Variants in MTA3 observed in about 807,000 individuals in gnomAD.
MTA3 encodes the protein metastasis-associated protein MTA3.
A neutral mutation model predicts 83.5 loss-of-function variants in MTA3; 34 were observed. The observed-to-expected ratio is 0.41, with a 90% CI of 0.31 to 0.54. The LOEUF is 0.54. Ranked by LOEUF, MTA3 falls within the 20% of genes least tolerant of loss-of-function variation. The pLI is 0.33. For synonymous variants in MTA3, 303 were observed against 252.7 expected, an observed-to-expected ratio of 1.20 and a Z score of -1.89; for missense variants, 761 against 726.4, an observed-to-expected ratio of 1.05 and a Z score of -0.55.
At position 42,606,203 on chromosome 2, in the gene MTA3, C is replaced by A. The variant is rs1425417567; in HGVS notation, c.191-3255C>A. ...GGCTGGCCGGGCGGGGGGCTGACCC[C>A]CCCCCACCTCCCTCCCGGACGGGGT... On this transcript the variant is annotated intron_variant, in intron 3 of 16. Transcript: ENST00000405094. Among the ~76,000 whole-genome samples the A allele has an allele frequency of 3.1e-3, 436 of 141,822 alleles. 8 individuals are homozygous for A. The highest frequency in any genetic ancestry group is 9.9e-3 in the African/African-American group (381 of 38,294). The allele number at this position is 141,822 out of a possible 152,430, so 93.0% of individuals were successfully genotyped here. A position where few individuals can be genotyped will look rare whatever the true frequency, so the allele number is the denominator to read the frequency against.
At chr2:42,748,203 G>GTT (rs1669592594) in intron 16 of MTA3, among the ~76,000 whole-genome samples, 1 of 128,452 alleles carries the variant, frequency 7.8e-6, no homozygotes, top group Non-Finnish European at 1.6e-5. Context: ...TAATGTGTTT[G>GTT]TGTGTGTGTG....
chr2:42,522,958 C>T (rs974329924), intron 2 of MTA3, among the ~76,000 whole-genome samples: 5 of 151,730 alleles, frequency 3.3e-5, no homozygotes, highest in East Asian at 1.9e-4. Flanking sequence ...CACAGGCACT[C>T]GTCACCACAC....
intron 2 of MTA3, among the ~76,000 whole-genome samples, chr2:42,539,087 A>G (rs1017557820): frequency 6.6e-6 from 1 of 152,158 alleles, no homozygotes; most frequent in Non-Finnish European, 1.5e-5. Context: ...AAAAAATGTT[A>G]TAAGTGTTTC....
In MTA3 at chr2:42,523,697, G is replaced by T. The variant is rs1315137550; in HGVS notation, c.-141+28443G>T. Among the ~76,000 whole-genome samples the T allele has an allele frequency of 1.6e-4, 25 of 152,256 alleles. No individual in the cohort carries two copies. The East Asian group carries it at 4.4e-3, about 27-fold the overall frequency. ...AGAGGCCGAGGCAGTAGGATCACTTGAGCCCAGGAGTTTCAGACCAGTTTG... is the reference window on the plus strand; with the variant it reads ...AGAGGCCGAGGCAGTAGGATCACTTTAGCCCAGGAGTTTCAGACCAGTTTG... On this transcript the variant is annotated intron_variant, in intron 2 of 17. Coordinates refer to the MTA3 transcript ENST00000405592.
At chr2:42,632,909 A>G (rs1332240943) in intron 4 of MTA3, among the ~76,000 whole-genome samples, 1 of 152,016 alleles carries the variant, frequency 6.6e-6, no homozygotes, top group Non-Finnish European at 1.5e-5. Flanking sequence ...TCAAAGATCT[A>G]TCTTTGAATA....
At chr2:42,724,402 C>T (rs139262149) in intron 16 of MTA3, among the ~76,000 whole-genome samples, 1,802 of 150,700 alleles carry the variant, frequency 0.012, 33 homozygotes, top group African/African-American at 0.042. Flanking sequence ...GTAATCCCAA[C>T]ACTTTGGGAG....
At chr2:42,560,368 G>A (rs1334751012) in intron 2 of MTA3, among the ~76,000 whole-genome samples, 1 of 151,750 alleles carries the variant, frequency 6.6e-6, no homozygotes, top group African/African-American at 2.4e-5. Context: ...ATCAAGCTGT[G>A]GTTGGTGGTG....
At chr2:42,580,720 C>G (rs1266621898) in intron 3 of MTA3, among the ~76,000 whole-genome samples, 1 of 151,150 alleles carries the variant, frequency 6.6e-6, no homozygotes, top group Non-Finnish European at 1.5e-5. Flanking sequence ...CTCCGCCTCC[C>G]GAGTAGCTGG....
At chr2:42,581,252 A>G (rs1463169398) in intron 3 of MTA3, among the ~76,000 whole-genome samples, 2 of 152,148 alleles carry the variant, frequency 1.3e-5, no homozygotes, top group African/African-American at 2.4e-5. Context: ...TAATGAGAAC[A>G]AAATATTGCT....
At chr2:42,689,396 T>A (rs945470578) in intron 9 of MTA3, among the ~76,000 whole-genome samples, 1 of 152,216 alleles carries the variant, frequency 6.6e-6, no homozygotes, top group African/African-American at 2.4e-5. Flanking sequence ...TTGGTTTTAT[T>A]TCAGGCTAAT....
At chr2:42,653,198 G>A (rs1688871158) in intron 6 of MTA3, among the ~76,000 whole-genome samples, 2 of 152,316 alleles carry the variant, frequency 1.3e-5, no homozygotes, top group South Asian at 2.1e-4. Flanking sequence ...AAATACATTT[G>A]TAGGAATTTA....
intron 3 of MTA3, among the ~76,000 whole-genome samples, chr2:42,606,935 G>A (rs1332151754): frequency 1.3e-5 from 2 of 149,608 alleles, no homozygotes; most frequent in Admixed American, 1.3e-4. Context: ...CAGGCGTGGC[G>A]GCGCGTGCCT....
intron 12 of MTA3, among the ~76,000 whole-genome samples, chr2:42,706,071 T>A (rs1666052830): frequency 6.6e-6 from 1 of 152,284 alleles, no homozygotes; most frequent in African/African-American, 2.4e-5. Context: ...CAAAATAGAT[T>A]CATAGCTTAA....
At chr2:42,653,416 G>GA (rs1199359488) in intron 6 of MTA3, among the ~76,000 whole-genome samples, 3 of 152,186 alleles carry the variant, frequency 2.0e-5, no homozygotes, top group African/African-American at 7.2e-5. Context: ...TAGCGTAGCT[G>GA]AAAAAAACTT....
At chr2:42,499,679 T>C (rs1037883992) in intron 2 of MTA3, among the ~76,000 whole-genome samples, 23 of 151,416 alleles carry the variant, frequency 1.5e-4, no homozygotes, top group African/African-American at 5.6e-4. Flanking sequence ...TCCCAGCTAC[T>C]TGGGGAGGCT....
rs1280995969 is a variant in MTA3 at position 42,708,121 on chromosome 2, A to G, written c.1302+67A>G. 1.9e-5 allele frequency: 28 copies of G among 1,494,418 alleles called. No individual in the cohort carries two copies. In the East Asian group the frequency reaches 5.9e-4, roughly 31 times the overall value. 92.6% of individuals were successfully genotyped at this position (1,494,418 alleles called of 1,614,324 possible). A position where few individuals can be genotyped will look rare whatever the true frequency, so the allele number is the denominator to read the frequency against. ...AATGGGTTGATTATTCCTTGGAAAC[A>G]GAAGTACAGTATAGGATAATTAAAA... On this transcript the variant is annotated intron_variant, in intron 13 of 16. Transcript: ENST00000405094.
intron 6 of MTA3, among the ~76,000 whole-genome samples, chr2:42,653,253 G>A (rs1437424141): frequency 6.6e-6 from 1 of 152,098 alleles, no homozygotes; most frequent in East Asian, 1.9e-4. Flanking sequence ...TGATGATACG[G>A]CACTTGAGCA....
chr2:42,515,205 C>G (rs1004136506), intron 2 of MTA3, among the ~76,000 whole-genome samples: 1 of 150,014 alleles, frequency 6.7e-6, no homozygotes, highest in Admixed American at 6.6e-5. Flanking sequence ...ATTACAGGTG[C>G]CCACCACCAC....
chr2:42,593,533 C>T lies in MTA3; in HGVS notation c.190+14333C>T, dbSNP rs765173802. 5.3e-5 allele frequency among the ~76,000 whole-genome samples: 8 copies of T among 152,034 alleles called. No individual in the cohort carries two copies. The East Asian group carries it at 7.7e-4, about 15-fold the overall frequency. On this transcript the variant is annotated intron_variant, in intron 3 of 16. Transcript: ENST00000405094. ...GTAATGCTTTGTGCCATGATATTAC[C>T]GCTATAGTGTCACTGGGCAGTTGGA...
Sources: gnomAD v4.1 joint callset for allele counts (sites outside exome capture counted in the v4.1 genomes callset) on GRCh38, gnomAD v4.1.1 for gene constraint, MANE v1.5 for transcripts, NCBI Gene and HGNC (gene_info 2026-07-23, HGNC 2026-07-21) for gene names.